Variants in PSMD1 observed in about 807,000 individuals in gnomAD.
PSMD1 encodes 26S proteasome non-ATPase regulatory subunit 1.
PSMD1 carries 18 observed loss-of-function variants against 119.0 expected under a neutral mutation model. The ratio of observed to expected loss-of-function variants is 0.15; its 90% CI spans 0.10 to 0.22. PSMD1 has a LOEUF of 0.22. PSMD1 is among the 10% of genes least tolerant of loss of function. PSMD1 has a pLI of 1.00. For missense variants in PSMD1, 702 were observed against 1,158.5 expected (o/e 0.61, Z 5.72); for synonymous variants, 374 against 396.6 (o/e 0.94, Z 0.68).
chr2:231,123,418 A>G, intron 16 of PSMD1: 5 of 1,612,154 alleles, frequency 3.1e-6, no homozygotes, highest in South Asian at 1.1e-5. Context: ...CTTACCAAAC[A>G]TTATTGTCAA....
At chr2:231,152,671 T>G (rs1696398790) in intron 18 of PSMD1, among the ~76,000 whole-genome samples, 1 of 152,168 alleles carries the variant, frequency 6.6e-6, no homozygotes, top group Non-Finnish European at 1.5e-5. Context: ...GCAGATAAAG[T>G]CATTATATTA....
intron 8 of PSMD1, among the ~76,000 whole-genome samples, chr2:231,075,867 G>A (rs1574710190): frequency 1.3e-5 from 2 of 152,104 alleles, no homozygotes; most frequent in South Asian, 4.2e-4. Flanking sequence ...ACAGGCATGA[G>A]CCACCGAGCC....
At chr2:231,148,360 GT>G (rs1321692676) in intron 18 of PSMD1, among the ~76,000 whole-genome samples, 1 of 152,142 alleles carries the variant, frequency 6.6e-6, no homozygotes, top group African/African-American at 2.4e-5. Flanking sequence ...CAAGACAAAT[GT>G]TCTGTCTTCC....
intron 16 of PSMD1, among the ~76,000 whole-genome samples, chr2:231,138,084 T>C (rs745985510): frequency 2.6e-5 from 4 of 152,178 alleles, no homozygotes; most frequent in Non-Finnish European, 4.4e-5. Flanking sequence ...TCTTCAAGGA[T>C]AGCCACTGTG....
At chr2:231,058,343 C>A (rs905825444) in intron 1 of PSMD1, among the ~76,000 whole-genome samples, 7 of 152,172 alleles carry the variant, frequency 4.6e-5, no homozygotes, top group African/African-American at 1.4e-4. Context: ...CCATTACCTC[C>A]GTACAGCCCG....
chr2:231,133,361 T>TTAA (rs1344446880), intron 16 of PSMD1: 1 of 152,050 alleles, frequency 6.6e-6, no homozygotes, highest in African/African-American at 2.4e-5. Flanking sequence ...GTGTATTGAG[T>TTAA]TAATCCTCTA....
chr2:231,082,788 C>A, intron 12 of PSMD1, 95 bp from the exon 13 acceptor site: 1 of 876,786 alleles, frequency 1.1e-6, no homozygotes, highest in Non-Finnish European at 1.8e-6. Flanking sequence ...CCAACCTCTG[C>A]ATATTTAATG....
chr2:231,149,018 C>T (rs572228900), intron 18 of PSMD1, among the ~76,000 whole-genome samples: 2 of 152,280 alleles, frequency 1.3e-5, no homozygotes, highest in Non-Finnish European at 2.9e-5. Flanking sequence ...TTATAAACCC[C>T]TCTCAAAGGA....
chr2:231,143,278 A>G (rs1574766971), intron 17 of PSMD1, among the ~76,000 whole-genome samples: 1 of 151,912 alleles, frequency 6.6e-6, no homozygotes, highest in East Asian at 1.9e-4. Flanking sequence ...TGCCCAGGCT[A>G]GAGTGCAGTG....
chr2:231,154,465 G>T (rs939651859), intron 19 of PSMD1, among the ~76,000 whole-genome samples: 5 of 151,998 alleles, frequency 3.3e-5, no homozygotes, highest in African/African-American at 4.8e-5. Flanking sequence ...CTGTTGGTTG[G>T]TTTTTTGTTA....
intron 16 of PSMD1, among the ~76,000 whole-genome samples, chr2:231,089,226 G>A (rs1384060398): frequency 6.6e-6 from 1 of 152,222 alleles, no homozygotes; most frequent in Non-Finnish European, 1.5e-5. Context: ...AAGTGCTGAT[G>A]CAGAAGCTGC....
intron 16 of PSMD1, among the ~76,000 whole-genome samples, chr2:231,137,076 A>T (rs1695988258): frequency 6.9e-6 from 1 of 145,122 alleles, no homozygotes; most frequent in South Asian, 2.1e-4. Flanking sequence ...TTTATGTATA[A>T]TATATATTTA....
intron 1 of PSMD1, 45 bp from the exon 2 acceptor site, chr2:231,061,222 A>G: frequency 6.8e-7 from 1 of 1,480,472 alleles, no homozygotes; most frequent in Non-Finnish European, 9.3e-7. Flanking sequence ...TTTCCACTTT[A>G]GTGAGAATGT....
Position 231,138,784 on chromosome 2 carries a change from C to T in PSMD1, c.1932C>T (p.Tyr644=), listed in dbSNP as rs768544748. The change falls in exon 17 of 25, where the codon TAC becomes TAT. Residue 644 remains tyrosine (Y), a synonymous_variant. Coordinates refer to ENST00000308696, the MANE Select transcript of PSMD1 (RefSeq NM_002807.4). The part of the protein sequence containing the change: ...PSVVSLLSES[Y]NPHVRYGAAM... The stretch of plus-strand genomic sequence containing the variant: ...TTGTCTCTTTGTTGTCAGAGAGTTA[C>T]AACCCTCATGTGCGCTACGGAGCTG... The T allele has an allele frequency of 5.0e-6, 8 of 1,614,032 alleles. No homozygotes were observed. The East Asian group carries it at 1.3e-4, about 27-fold the overall frequency.
At chr2:231,169,723 TGAC>T (rs894582936) in intron 23 of PSMD1, among the ~76,000 whole-genome samples, 2 of 152,192 alleles carry the variant, frequency 1.3e-5, no homozygotes, top group African/African-American at 4.8e-5. Flanking sequence ...CTGCCACTGT[TGAC>T]TGATTTAATT....
At chr2:231,167,491 T>G (rs554630314) in intron 23 of PSMD1, among the ~76,000 whole-genome samples, 63 of 152,338 alleles carry the variant, frequency 4.1e-4, no homozygotes, top group Admixed American at 7.2e-4. Flanking sequence ...CTATAACAGT[T>G]GGTCCACCTA....
chr2:231,115,833 AGAT>A (rs1231649536), intron 16 of PSMD1, among the ~76,000 whole-genome samples: 1 of 152,172 alleles, frequency 6.6e-6, no homozygotes, highest in East Asian at 1.9e-4. Flanking sequence ...CTGGGTACTT[AGAT>A]ATGCAGGCTC....
intron 18 of PSMD1, among the ~76,000 whole-genome samples, chr2:231,148,775 A>G (rs1384268905): frequency 6.6e-6 from 1 of 152,240 alleles, no homozygotes; most frequent in African/African-American, 2.4e-5. Flanking sequence ...AAAGAATTTC[A>G]TAGACTACAG....
chr2:231,120,241 C>G (rs145082949), intron 16 of PSMD1, among the ~76,000 whole-genome samples: 2 of 152,150 alleles, frequency 1.3e-5, no homozygotes, highest in African/African-American at 4.8e-5. Flanking sequence ...CATGAGCCAC[C>G]GTGCCCAGCC....
Sources: gnomAD v4.1 joint callset for allele counts (sites outside exome capture counted in the v4.1 genomes callset) on GRCh38, gnomAD v4.1.1 for gene constraint, MANE v1.5 for transcripts, NCBI Gene and HGNC (gene_info 2026-07-23, HGNC 2026-07-21) for gene names.